The following PLEKHA8 variants were observed in gnomAD, a reference collection of about 807,000 sequenced individuals.
PLEKHA8 encodes the protein pleckstrin homology domain containing A8.
PLEKHA8 carries 36 observed loss-of-function variants against 68.2 expected under a neutral mutation model. That is an observed-to-expected ratio of 0.53 (90% CI 0.40 to 0.70). PLEKHA8 has a LOEUF of 0.70. PLEKHA8 is among the 30% of genes least tolerant of loss of function. The pLI is 0.00. For missense variants in PLEKHA8, 505 were observed against 615.4 expected, an observed-to-expected ratio of 0.82 and a Z score of 1.90; for synonymous variants, 211 against 216.1, an observed-to-expected ratio of 0.98 and a Z score of 0.20.
chr7:30,033,187 A>T (rs1790794328), intron 1 of PLEKHA8, among the ~76,000 whole-genome samples: 1 of 152,214 alleles, frequency 6.6e-6, no homozygotes, highest in South Asian at 2.1e-4. Context: ...ATCCATTTAA[A>T]ATGTACAAGT....
intron 13 of PLEKHA8, 31 bp from the exon 14 acceptor site, chr7:30,078,559 A>T: frequency 1.2e-6 from 2 of 1,610,110 alleles, no homozygotes; most frequent in Non-Finnish European, 1.7e-6. Flanking sequence ...GACAGACTTG[A>T]TGCAGATTCT....
chr7:30,050,632 C>A, intron 6 of PLEKHA8, 158 bp downstream of exon 6: 1 of 1,006,038 alleles, frequency 9.9e-7, no homozygotes, highest in African/African-American at 1.6e-5. Flanking sequence ...TTGAGTGAGC[C>A]TGAATCAACC....
intron 7 of PLEKHA8, among the ~76,000 whole-genome samples, 182 bp downstream of exon 7, chr7:30,053,048 G>A (rs1792551313): frequency 6.6e-6 from 1 of 152,198 alleles, no homozygotes; most frequent in African/African-American, 2.4e-5. Flanking sequence ...ATCTGACCTG[G>A]TGTTGAGAAG....
Position 30,028,781 on chromosome 7 carries a change from A to T in PLEKHA8, c.19A>T (p.Lys7Ter). MEGVLY[K>*]WTNYLSGWQP... ...GGGCGCCATGGAGGGGGTGCTGTAC[A>T]AGTGGACCAACTATCTGAGCGGTGA... Residue 7 changes from lysine to a stop codon, truncating the protein, a stop_gained, in exon 1 of 14, where the codon AAG becomes TAG. Transcript: ENST00000449726. LOFTEE classifies it high-confidence loss of function. 1 of 1,272,062 alleles carries T rather than the reference A, an allele frequency of 7.9e-7. No individual in the cohort carries two copies. Among genetic ancestry groups the T allele is most frequent in the Non-Finnish European group, 1.0e-6 (1 of 1,003,024 alleles). The allele number at this position is 1,272,062 out of a possible 1,614,324, so 78.8% of individuals were successfully genotyped here. A position where few individuals can be genotyped will look rare whatever the true frequency, so the allele number is the denominator to read the frequency against.
rs1290569918 is a variant in PLEKHA8, at chr7:30,079,276, C to T, written c.*489C>T. The T allele has an allele frequency of 3.0e-6, 3 of 988,898 alleles. No individual in the cohort carries two copies. The East Asian group carries it at 3.4e-4, about 111-fold the overall frequency. 61.3% of individuals were successfully genotyped at this position (988,898 alleles called of 1,614,324 possible). A position where few individuals can be genotyped will look rare whatever the true frequency, so the allele number is the denominator to read the frequency against. ...GTTCCTAGATGTTCTTCAGTGGACCCTCTTCACTGCAACTCTGTCAGTGAT... is the reference window on the plus strand; with the variant it reads ...GTTCCTAGATGTTCTTCAGTGGACCTTCTTCACTGCAACTCTGTCAGTGAT... On this transcript the variant is annotated 3_prime_UTR_variant, in exon 14 of 14. Coordinates refer to ENST00000449726, the MANE Select transcript of PLEKHA8 (RefSeq NM_001197026.2).
chr7:30,083,927 A>C lies in PLEKHA8; in HGVS notation c.*5140A>C. ...CGTGTCTGTTTATAGGTGTATATGGAGTCAGTGTTGATAGGAAGGATGCTC... is the reference window on the plus strand; with the variant it reads ...CGTGTCTGTTTATAGGTGTATATGGCGTCAGTGTTGATAGGAAGGATGCTC... On this transcript the variant is annotated 3_prime_UTR_variant, in exon 14 of 14. Coordinates refer to ENST00000449726, the MANE Select transcript of PLEKHA8 (RefSeq NM_001197026.2). 1 of 985,454 alleles carries C rather than the reference A, an allele frequency of 1.0e-6. No homozygotes were observed. The highest frequency in any genetic ancestry group is 1.2e-6 in the Non-Finnish European group (1 of 829,908). 61.0% of individuals were successfully genotyped at this position (985,454 alleles called of 1,614,324 possible).
At chr7:30,123,734 AC>A (rs1796730129) in intron 13 of PLEKHA8, among the ~76,000 whole-genome samples, 2 of 152,222 alleles carry the variant, frequency 1.3e-5, no homozygotes, top group African/African-American at 4.8e-5. Context: ...CAGAGCCAGC[AC>A]AGAGGAAAAC....
chr7:30,096,221 T>C (rs1795613980), intron 13 of PLEKHA8, among the ~76,000 whole-genome samples: 1 of 152,232 alleles, frequency 6.6e-6, no homozygotes, highest in Non-Finnish European at 1.5e-5. Context: ...TTTGTGGTTC[T>C]CCTTGAAGAG....
rs1388444343 is a variant in PLEKHA8 at position 30,079,089 on chromosome 7, G to A, written c.*302G>A. On this transcript the variant is annotated 3_prime_UTR_variant, in exon 14 of 14. Coordinates refer to ENST00000449726, the MANE Select transcript of PLEKHA8 (RefSeq NM_001197026.2). ...AACAAATTTGCTGTTATTGTGTATT[G>A]TATTGTTTTTATATTTTAGTCTAAT... 5.5e-6 allele frequency: 6 copies of A among 1,097,148 alleles called. No individual in the cohort carries two copies. The highest frequency in any genetic ancestry group is 6.7e-6 in the Non-Finnish European group (6 of 901,104). The allele number at this position is 1,097,148 out of a possible 1,614,324, so 68.0% of individuals were successfully genotyped here.
rs1794799138 is a variant in PLEKHA8, at chr7:30,079,224, C to T, written c.*437C>T. On this transcript the variant is annotated 3_prime_UTR_variant, in exon 14 of 14. Coordinates refer to ENST00000449726, the MANE Select transcript of PLEKHA8 (RefSeq NM_001197026.2). ...AGACATTTGGAGGTAGTATAAGCTG[C>T]TTTGTTGAAGCTGTGTAGAGTTTGC... 2.0e-6 allele frequency: 2 copies of T among 998,666 alleles called. No individual in the cohort carries two copies. Among genetic ancestry groups the T allele is most frequent in the South Asian group, 8.8e-5 (2 of 22,712 alleles). 61.9% of individuals were successfully genotyped at this position (998,666 alleles called of 1,614,324 possible). A position where few individuals can be genotyped will look rare whatever the true frequency, so the allele number is the denominator to read the frequency against.
At position 30,082,311 on chromosome 7, in the gene PLEKHA8, A is replaced by G; in HGVS notation, c.*3524A>G. 1.0e-6 allele frequency: 1 copy of G among 985,502 alleles called. No homozygotes were observed. Among genetic ancestry groups the G allele is most frequent in the African/African-American group, 1.7e-5 (1 of 57,338 alleles). The allele number at this position is 985,502 out of a possible 1,614,324, so 61.0% of individuals were successfully genotyped here. A position where few individuals can be genotyped will look rare whatever the true frequency, so the allele number is the denominator to read the frequency against. ...AATTGCCAGCAGTACCGCCATCAGC[A>G]CACCAAATCTACCCCCACTTATGTT... On this transcript the variant is annotated 3_prime_UTR_variant, in exon 14 of 14. Coordinates refer to ENST00000449726, the MANE Select transcript of PLEKHA8 (RefSeq NM_001197026.2).
In PLEKHA8 at chr7:30,082,163, T is replaced by G; in HGVS notation, c.*3376T>G. 9 of 985,438 alleles carry G rather than the reference T, an allele frequency of 9.1e-6. No homozygotes were observed. Among genetic ancestry groups the G allele is most frequent in the Non-Finnish European group, 1.1e-5 (9 of 829,922 alleles). 61.0% of individuals were successfully genotyped at this position (985,438 alleles called of 1,614,324 possible). On this transcript the variant is annotated 3_prime_UTR_variant, in exon 14 of 14. Transcript: ENST00000449726. ...TGTATAAGTAGTGGCTTGAGGCACC[T>G]TCTTATCATTTTTTGCATGTTATTC... is the stretch of plus-strand genomic sequence containing the variant.
intron 13 of PLEKHA8, chr7:30,115,891 T>C (rs1257551041): frequency 2.8e-5 from 4 of 143,522 alleles, no homozygotes; most frequent in Admixed American, 7.2e-5. Context: ...CATACATGCG[T>C]ATACATGCAT....
intron 13 of PLEKHA8, chr7:30,118,002 G>A: frequency 2.0e-6 from 3 of 1,530,410 alleles, no homozygotes; most frequent in Non-Finnish European, 2.6e-6. Flanking sequence ...GGCCCAGGAG[G>A]GCTGTCACTC....
Position 30,080,722 on chromosome 7 carries a change from G to A in PLEKHA8, c.*1935G>A, listed in dbSNP as rs987446530. The stretch of plus-strand genomic sequence containing the variant: ...TTTTGTATTTTGCCAAGGTGTGTGT[G>A]TGTTATTTCCCTCCCACTCTCATGA... On this transcript the variant is annotated 3_prime_UTR_variant, in exon 14 of 14. Coordinates refer to ENST00000449726, the MANE Select transcript of PLEKHA8 (RefSeq NM_001197026.2). 3.0e-6 allele frequency: 3 copies of A among 985,188 alleles called. No individual in the cohort carries two copies. Among genetic ancestry groups the A allele is most frequent in the Non-Finnish European group, 3.6e-6 (3 of 829,914 alleles). 61.0% of individuals were successfully genotyped at this position (985,188 alleles called of 1,614,324 possible). A position where few individuals can be genotyped will look rare whatever the true frequency, so the allele number is the denominator to read the frequency against.
chr7:30,038,209 A>G (rs1289136407), intron 1 of PLEKHA8, among the ~76,000 whole-genome samples: 1 of 152,202 alleles, frequency 6.6e-6, no homozygotes, highest in African/African-American at 2.4e-5. Flanking sequence ...ACAATAAAAA[A>G]CTGAACAAAA....
At chr7:30,043,211 G>A (rs1350072613) in intron 1 of PLEKHA8, among the ~76,000 whole-genome samples, 1 of 152,106 alleles carries the variant, frequency 6.6e-6, no homozygotes, top group African/African-American at 2.4e-5. Context: ...TGCCCAGGCT[G>A]GTCTGGAACT....
At chr7:30,107,603 A>G (rs1796109331) in intron 13 of PLEKHA8, among the ~76,000 whole-genome samples, 2 of 152,180 alleles carry the variant, frequency 1.3e-5, no homozygotes, top group Admixed American at 1.3e-4. Flanking sequence ...GTGGCCATAG[A>G]AGATAATCTT....
At position 30,062,540 on chromosome 7, in the gene PLEKHA8, C is replaced by G. The variant is rs978330826; in HGVS notation, c.1230-132C>G. 4.3e-6 allele frequency: 3 copies of G among 690,852 alleles called. No individual in the cohort carries two copies. The African/African-American group carries it at 5.4e-5, about 12-fold the overall frequency. 42.8% of individuals were successfully genotyped at this position (690,852 alleles called of 1,614,324 possible). ...AAGGGAAGAGGTTCAGGAAGGACTG[C>G]CATATGATTTGACCTATTCACTGCT... On this transcript the variant is annotated intron_variant, in intron 11 of 13. Coordinates refer to ENST00000449726, the MANE Select transcript of PLEKHA8 (RefSeq NM_001197026.2).
Sources: allele counts gnomAD v4.1 joint callset (sites outside exome capture counted in the v4.1 genomes callset), GRCh38; gene constraint gnomAD v4.1.1; transcripts MANE v1.5; gene names NCBI Gene and HGNC (gene_info 2026-07-23, HGNC 2026-07-21).